TBCE: variants seen among roughly 807,000 people sequenced by gnomAD.
The protein encoded by TBCE is tubulin-specific chaperone E.
In TBCE, 53 loss-of-function variants were observed where a neutral mutation model predicts 77.0. The ratio of observed to expected loss-of-function variants is 0.69; its 90% CI spans 0.55 to 0.87. TBCE has a LOEUF of 0.87. Ranked by LOEUF, TBCE falls within the 40% of genes least tolerant of loss-of-function variation. TBCE has a pLI of 0.00. For synonymous variants in TBCE, 235 were observed against 241.3 expected (o/e 0.97, Z 0.24); for missense variants, 624 against 622.4 (o/e 1.00, Z -0.03).
chr1:235,432,755 C>T (rs183135835), intron 7 of TBCE, among the ~76,000 whole-genome samples: 330 of 151,928 alleles, frequency 2.2e-3, no homozygotes, highest in African/African-American at 7.7e-3. Context: ...TGGTGGCTCT[C>T]GCCTATAATT....
Position 235,389,004 on chromosome 1 carries a change from T to C in TBCE, c.100+8855T>C, listed in dbSNP as rs76261663. On this transcript the variant is annotated intron_variant, in intron 2 of 16. Transcript: ENST00000642610. The stretch of plus-strand genomic sequence containing the variant: ...TGACCCTAGGAAGGGGGTGTGCCCT[T>C]GGGCAAGATGCTTTCTACAGTAGAC... 8.4e-3 allele frequency among the ~76,000 whole-genome samples: 1,285 copies of C among 152,278 alleles called. 15 individuals carry two copies. Among genetic ancestry groups the C allele is most frequent in the African/African-American group, 0.03 (1,241 of 41,560 alleles).
chr1:235,367,665 G>C (rs1676626331), intron 1 of TBCE, 161 bp downstream of exon 1: 1 of 152,636 alleles, frequency 6.6e-6, no homozygotes, highest in Non-Finnish European at 1.5e-5. Context: ...AGCCGGCTGG[G>C]TTGGGGCCAC....
rs984195019 is a variant in TBCE at position 235,435,851 on chromosome 1, C to T, written c.833+11C>T. 3 of 1,607,598 alleles carry T rather than the reference C, an allele frequency of 1.9e-6. No individual in the cohort carries two copies. Among genetic ancestry groups the T allele is most frequent in the South Asian group, 1.1e-5 (1 of 90,926 alleles). On this transcript the variant is annotated intron_variant, in intron 9 of 16. Transcript: ENST00000642610. Reference sequence around the variant, plus strand: ...AGCCCACCTGCCCAGGTAATTTGCCCCTAAATGCCTGATACAATAGTGTTC... The same window carrying T: ...AGCCCACCTGCCCAGGTAATTTGCCTCTAAATGCCTGATACAATAGTGTTC...
chr1:235,415,035 G>A (rs1215697425), intron 4 of TBCE: 6 of 243,512 alleles, frequency 2.5e-5, no homozygotes, highest in African/African-American at 2.3e-5. Flanking sequence ...TTCTCACCTC[G>A]GGCTGCACAT....
At chr1:235,388,939 G>A (rs552492867) in intron 2 of TBCE, among the ~76,000 whole-genome samples, 53 of 152,270 alleles carry the variant, frequency 3.5e-4, no homozygotes, top group South Asian at 2.3e-3. Flanking sequence ...TGAGGGGCTG[G>A]GTCATTATAC....
chr1:235,448,711 A>T lies in TBCE; in HGVS notation c.1533A>T (p.Ser511=). 1 of 1,614,196 alleles carries T rather than the reference A, an allele frequency of 6.2e-7. No individual in the cohort carries two copies. Among genetic ancestry groups the T allele is most frequent in the Non-Finnish European group, 8.5e-7 (1 of 1,180,016 alleles). The change falls in exon 17 of 17, where the codon TCA becomes TCT. Residue 511 remains serine (S), a synonymous_variant. Coordinates refer to ENST00000642610, the MANE Select transcript of TBCE (RefSeq NM_003193.5). ...TCGAGCTGGAAAATGACCTAAAGTC[A>T]TTACAGTTTTATTCTGTGGAAAATG... ...REIELENDLK[S]LQFYSVENGD... is the part of the protein sequence containing the mutation.
chr1:235,400,396 A>G (rs1679020761), intron 2 of TBCE, among the ~76,000 whole-genome samples: 1 of 77,566 alleles, frequency 1.3e-5, no homozygotes, highest in Admixed American at 1.3e-4. Context: ...GAAGGAAAAA[A>G]TTATTTTTCC....
At chr1:235,399,202 G>A (rs1010552487) in intron 2 of TBCE, among the ~76,000 whole-genome samples, 2 of 152,040 alleles carry the variant, frequency 1.3e-5, no homozygotes, top group African/African-American at 2.4e-5. Context: ...CAATCCACCC[G>A]CCTTCACCTC....
chr1:235,387,311 C>A (rs1165982563), intron 2 of TBCE, among the ~76,000 whole-genome samples: 3 of 152,138 alleles, frequency 2.0e-5, no homozygotes, highest in Non-Finnish European at 4.4e-5. Context: ...GCTGGGAGAA[C>A]CACTGCTCTC....
chr1:235,434,250 T>A lies in TBCE; in HGVS notation c.707T>A (p.Leu236His). Residue 236 changes from leucine to histidine, a missense_variant, in exon 8 of 17, where the codon CTT becomes CAT. Coordinates refer to ENST00000642610, the MANE Select transcript of TBCE (RefSeq NM_003193.5). ...TGCCCAGGCCTGGAGGAACTCTACC[T>A]TGAGTCTAACAACATTTTCATTTCC... is the stretch of plus-strand genomic sequence containing the variant. ...AGCPGLEELY[L>H]ESNNIFISER... 1.9e-6 allele frequency: 3 copies of A among 1,614,158 alleles called. No individual in the cohort carries two copies. The highest frequency in any genetic ancestry group is 2.5e-6 in the Non-Finnish European group (3 of 1,180,030).
chr1:235,450,058 A>G lies in TBCE; in HGVS notation c.*1296A>G. 1 of 912,974 alleles carries G rather than the reference A, an allele frequency of 1.1e-6. No individual in the cohort carries two copies. Among genetic ancestry groups the G allele is most frequent in the Non-Finnish European group, 1.6e-6 (1 of 616,058 alleles). The allele number at this position is 912,974 out of a possible 1,614,324, so 56.6% of individuals were successfully genotyped here. A position where few individuals can be genotyped will look rare whatever the true frequency, so the allele number is the denominator to read the frequency against. The stretch of plus-strand genomic sequence containing the variant: ...AGGAAATTTGTGCAAACATTAAGAA[A>G]CACCGCATTGGTTCTGGGTGAAAGT... On this transcript the variant is annotated 3_prime_UTR_variant, in exon 17 of 17. Transcript: ENST00000642610.
chr1:235,441,623 G>C (rs893107628), intron 13 of TBCE, 191 bp from the exon 14 acceptor site: 4 of 597,176 alleles, frequency 6.7e-6, no homozygotes, highest in Non-Finnish European at 1.2e-5. Flanking sequence ...TGGGTAGATA[G>C]AAGATTCTGC....
intron 15 of TBCE, among the ~76,000 whole-genome samples, chr1:235,445,930 G>C (rs1682237355): frequency 6.6e-6 from 1 of 152,192 alleles, no homozygotes; most frequent in South Asian, 2.1e-4. Flanking sequence ...CGAGGAGAGT[G>C]AAGCAGTCTA....
rs1044921082 is a variant in TBCE, at chr1:235,372,739, A to G, written c.-32+5235A>G. 1.1e-4 allele frequency among the ~76,000 whole-genome samples: 17 copies of G among 151,970 alleles called. No individual in the cohort carries two copies. In the South Asian group the frequency reaches 1.9e-3, roughly 17 times the overall value. The stretch of plus-strand genomic sequence containing the variant: ...GGAGATCGAGACCATCCTGGCTAAC[A>G]TGGTGAAACCACGTCTCTACTAAAA... On this transcript the variant is annotated intron_variant, in intron 1 of 16. Coordinates refer to ENST00000642610, the MANE Select transcript of TBCE (RefSeq NM_003193.5).
chr1:235,418,908 T>C (rs1680243320), intron 4 of TBCE, among the ~76,000 whole-genome samples: 2 of 152,172 alleles, frequency 1.3e-5, no homozygotes, highest in Admixed American at 1.3e-4. Context: ...CCAAATGTAG[T>C]ATAAGGCCCT....
Position 235,444,218 on chromosome 1 carries a change from A to C in TBCE, c.1399+1307A>C, listed in dbSNP as rs78402303. 4.5e-4 allele frequency among the ~76,000 whole-genome samples: 68 copies of C among 152,286 alleles called. No homozygotes were observed. The East Asian group carries it at 9.3e-3, about 21-fold the overall frequency. On this transcript the variant is annotated intron_variant, in intron 15 of 16. Transcript: ENST00000642610. ...GATAACCATCCATTTAATTTACCAC[A>C]ACGTCTCCATTTTTATTTATTCACA...
At chr1:235,379,212 C>A (rs1677469966) in intron 1 of TBCE, among the ~76,000 whole-genome samples, 1 of 152,018 alleles carries the variant, frequency 6.6e-6, no homozygotes, top group African/African-American at 2.4e-5. Context: ...CAGTTATAAG[C>A]TCTGTGCTGA....
At chr1:235,373,620 TTTTATTTTTA>T (rs1281912923) in intron 1 of TBCE, among the ~76,000 whole-genome samples, 93 of 115,524 alleles carry the variant, frequency 8.1e-4, no homozygotes, top group African/African-American at 2.5e-3. Context: ...ATTTTTGTAT[TTTTATTTTTA>T]TTTATTTTTA....
At chr1:235,374,514 T>G (rs1290593177) in intron 1 of TBCE, among the ~76,000 whole-genome samples, 1 of 145,532 alleles carries the variant, frequency 6.9e-6, no homozygotes, top group East Asian at 1.9e-4. Flanking sequence ...ATTTATTTAT[T>G]TTTTGAGACT....
Sources: gnomAD v4.1 joint callset for allele counts (sites outside exome capture counted in the v4.1 genomes callset) on GRCh38, gnomAD v4.1.1 for gene constraint, MANE v1.5 for transcripts, NCBI Gene and HGNC (gene_info 2026-07-23, HGNC 2026-07-21) for gene names.